IMMP2L: variants seen among roughly 807,000 people sequenced by gnomAD.
IMMP2L encodes the protein inner mitochondrial membrane peptidase subunit 2, also known as mitochondrial inner membrane protease subunit 2.
IMMP2L carries 18 observed loss-of-function variants against 19.3 expected under a neutral mutation model. The ratio of observed to expected loss-of-function variants is 0.93; its 90% CI spans 0.64 to 1.38. IMMP2L has a LOEUF of 1.38. Ranked by LOEUF, IMMP2L falls within the 40% of genes most tolerant of loss-of-function variation. IMMP2L has a pLI of 0.00. For synonymous variants in IMMP2L, 76 were observed against 73.0 expected, an observed-to-expected ratio of 1.04 and a Z score of -0.21; for missense variants, 233 against 218.2, an observed-to-expected ratio of 1.07 and a Z score of -0.43.
At chr7:111,533,637 T>C (rs1363188786) in intron 1 of IMMP2L, among the ~76,000 whole-genome samples, 1 of 152,194 alleles carries the variant, frequency 6.6e-6, no homozygotes, top group Non-Finnish European at 1.5e-5. Context: ...TTGAAACAAT[T>C]AGCTACAATT....
intron 4 of IMMP2L, among the ~76,000 whole-genome samples, chr7:110,892,481 C>T (rs1027624329): frequency 5.9e-5 from 9 of 152,148 alleles, no homozygotes; most frequent in South Asian, 2.1e-4. Flanking sequence ...CAACCCTCCA[C>T]GGCACTTTGT....
At chr7:111,379,044 C>A (rs531393441) in intron 3 of IMMP2L, among the ~76,000 whole-genome samples, 2 of 151,722 alleles carry the variant, frequency 1.3e-5, no homozygotes, top group Non-Finnish European at 3.0e-5. Context: ...TATTAAAAGG[C>A]TAATGAGACC....
intron 5 of IMMP2L, among the ~76,000 whole-genome samples, chr7:110,668,138 C>A (rs143343382): frequency 3.2e-4 from 48 of 152,018 alleles, no homozygotes; most frequent in Admixed American, 3.1e-3. Context: ...CCCCACCTAA[C>A]CCTAGTGATT....
chr7:111,325,961 C>G (rs1334508240), intron 3 of IMMP2L, among the ~76,000 whole-genome samples: 1 of 151,602 alleles, frequency 6.6e-6, no homozygotes, highest in Non-Finnish European at 1.5e-5. Flanking sequence ...TTGCCTATAA[C>G]TGAATTGTGA....
chr7:110,988,477 A>C (rs1196932305), intron 3 of IMMP2L, among the ~76,000 whole-genome samples: 1 of 152,206 alleles, frequency 6.6e-6, no homozygotes, highest in Admixed American at 6.5e-5. Flanking sequence ...TAACTGCAAG[A>C]GAAGCTGTGA....
chr7:111,215,995 T>C (rs187781063), intron 3 of IMMP2L, among the ~76,000 whole-genome samples: 46 of 152,334 alleles, frequency 3.0e-4, no homozygotes, highest in African/African-American at 1.1e-3. Flanking sequence ...TCATACTTGT[T>C]AAGTCATGTA....
chr7:111,068,020 T>G (rs1794655109), intron 3 of IMMP2L, among the ~76,000 whole-genome samples: 1 of 152,160 alleles, frequency 6.6e-6, no homozygotes, highest in African/African-American at 2.4e-5. Context: ...ACCAGGATAT[T>G]TGAAGTGTGA....
chr7:111,096,588 T>A (rs1016488875), intron 3 of IMMP2L, among the ~76,000 whole-genome samples: 1 of 151,070 alleles, frequency 6.6e-6, no homozygotes, highest in Non-Finnish European at 1.5e-5. Context: ...TACCTACTCA[T>A]CCATATGTTT....
chr7:110,928,020 T>A (rs1815053210), intron 4 of IMMP2L, among the ~76,000 whole-genome samples: 1 of 152,112 alleles, frequency 6.6e-6, no homozygotes, highest in African/African-American at 2.4e-5. Flanking sequence ...CTATCTCAAA[T>A]CTATTTTAGA....
In IMMP2L at chr7:111,420,205, T is replaced by C. The variant is rs1178954332; in HGVS notation, c.239+67033A>G. On this transcript the variant is annotated intron_variant, in intron 3 of 5. Coordinates refer to ENST00000405709, the MANE Select transcript of IMMP2L (RefSeq NM_032549.4). ...TTGAAAAGTGCTTCATTATAAATAA[T>C]AGAAATTAAATACTTAAGTTGGTCA... 1.3e-5 allele frequency among the ~76,000 whole-genome samples: 2 copies of C among 151,842 alleles called. 1 individual carries two copies. Among genetic ancestry groups the C allele is most frequent in the African/African-American group, 4.9e-5 (2 of 41,150 alleles).
chr7:111,539,246 G>T (rs1848289221), intron 1 of IMMP2L, among the ~76,000 whole-genome samples: 1 of 145,238 alleles, frequency 6.9e-6, no homozygotes, highest in African/African-American at 2.6e-5. Context: ...AAGAAAGAAA[G>T]AAAGAAAGAA....
intron 5 of IMMP2L, among the ~76,000 whole-genome samples, chr7:110,875,056 T>A (rs1808929771): frequency 6.6e-6 from 1 of 152,100 alleles, no homozygotes; most frequent in South Asian, 2.1e-4. Context: ...GGTAATACTG[T>A]TACAATGGCA....
chr7:111,301,165 T>C (rs1365938602), intron 3 of IMMP2L, among the ~76,000 whole-genome samples: 1 of 152,172 alleles, frequency 6.6e-6, no homozygotes, highest in Non-Finnish European at 1.5e-5. Flanking sequence ...TAACTTATTG[T>C]GATTTTAATT....
chr7:110,663,721 C>T lies in IMMP2L; in HGVS notation c.409G>A (p.Val137Ile). The T allele has an allele frequency of 1.3e-6, 2 of 1,561,084 alleles. No homozygotes were observed. Among genetic ancestry groups the T allele is most frequent in the South Asian group, 1.2e-5 (1 of 83,254 alleles). The change falls in exon 6 of 6, where the codon GTT (valine) becomes ATT (isoleucine). Residue 137 changes from valine to isoleucine, a missense_variant and splice_region_variant. Physicochemically the swap from Val to Ile is conservative, Grantham distance 29. Transcript: ENST00000405709. ...HSFDSNSFGP[V>I]SLGLLHAHAT... ...TGGGCATGCAGAAGTCCTAGGGAAACCTTAATTCATGAGAAACAGAAAGAA... is the reference window on the plus strand; with the variant it reads ...TGGGCATGCAGAAGTCCTAGGGAAATCTTAATTCATGAGAAACAGAAAGAA...
At chr7:110,882,075 C>A (rs117743843) in intron 5 of IMMP2L, among the ~76,000 whole-genome samples, 3 of 152,146 alleles carry the variant, frequency 2.0e-5, no homozygotes, top group Non-Finnish European at 2.9e-5. Flanking sequence ...GGGGATTAGA[C>A]CCTAGTACTG....
intron 3 of IMMP2L, among the ~76,000 whole-genome samples, chr7:111,133,784 C>G (rs1586497178): frequency 6.6e-6 from 1 of 151,974 alleles, no homozygotes; most frequent in African/African-American, 2.4e-5. Context: ...TAGGCACACT[C>G]TATACTCCAC....
rs2130897204 is a variant in IMMP2L, at chr7:110,746,891, A to G, written c.409-83170T>C. 2.0e-5 allele frequency among the ~76,000 whole-genome samples: 3 copies of G among 152,318 alleles called. No individual in the cohort carries two copies. In the South Asian group the frequency reaches 6.2e-4, roughly 32 times the overall value. ...TTCAAAAGCTAGCAGAAGACAAAAA[A>G]TAACTAAGATCAGTGCAGAACTGAA... On this transcript the variant is annotated intron_variant, in intron 5 of 5. Coordinates refer to ENST00000405709, the MANE Select transcript of IMMP2L (RefSeq NM_032549.4).
intron 5 of IMMP2L, among the ~76,000 whole-genome samples, chr7:110,858,404 T>G (rs1462952706): frequency 6.6e-6 from 1 of 151,936 alleles, no homozygotes; most frequent in Non-Finnish European, 1.5e-5. Context: ...TTAATCAAAC[T>G]CCTTGGACTA....
At chr7:111,196,144 G>C (rs12533389) in intron 3 of IMMP2L, among the ~76,000 whole-genome samples, 68,624 of 151,922 alleles carry the variant, frequency 0.45, 15,981 homozygotes, top group Non-Finnish European at 0.52. Flanking sequence ...AAAGTGCTGG[G>C]ATTATAGGCA....
Sources: gnomAD v4.1 joint callset for allele counts (sites outside exome capture counted in the v4.1 genomes callset) on GRCh38, gnomAD v4.1.1 for gene constraint, MANE v1.5 for transcripts, NCBI Gene and HGNC (gene_info 2026-07-23, HGNC 2026-07-21) for gene names.